MACROD2: variants seen among roughly 807,000 people sequenced by gnomAD.
MACROD2 encodes the protein mono-ADP ribosylhydrolase 2, also known as ADP-ribose glycohydrolase MACROD2.
In MACROD2, 36 loss-of-function variants were observed where a neutral mutation model predicts 70.4. The ratio of observed to expected loss-of-function variants is 0.51; its 90% CI spans 0.39 to 0.68. MACROD2 has a LOEUF of 0.68. Among genes scored for constraint, MACROD2 ranks in the 30% least tolerant of loss-of-function variants. MACROD2 has a pLI of 0.00. For missense variants in MACROD2, 496 were observed against 538.4 expected (o/e 0.92, Z 0.78); for synonymous variants, 172 against 178.8 (o/e 0.96, Z 0.30).
chr20:14,483,260 G>A (rs1242044112), intron 3 of MACROD2, among the ~76,000 whole-genome samples: 1 of 152,156 alleles, frequency 6.6e-6, no homozygotes, highest in African/African-American at 2.4e-5. Flanking sequence ...ATGAATGGAA[G>A]CAGAAAGCTT....
chr20:15,970,827 C>G (rs1176353391), intron 13 of MACROD2, among the ~76,000 whole-genome samples: 2 of 152,116 alleles, frequency 1.3e-5, no homozygotes, highest in Non-Finnish European at 2.9e-5. Flanking sequence ...TTCCCACCAG[C>G]AAGACTGGAA....
At chr20:15,271,322 A>T (rs1033311414) in intron 6 of MACROD2, among the ~76,000 whole-genome samples, 16 of 152,172 alleles carry the variant, frequency 1.1e-4, no homozygotes, top group African/African-American at 3.1e-4. Context: ...CGCTAATCCC[A>T]TTCATAGAGG....
chr20:15,464,650 A>G (rs1840310330), intron 7 of MACROD2, among the ~76,000 whole-genome samples: 1 of 152,196 alleles, frequency 6.6e-6, no homozygotes, highest in South Asian at 2.1e-4. Flanking sequence ...TGTATTGAAG[A>G]TAATTAAACA....
At chr20:14,438,998 G>T (rs1263846060) in intron 3 of MACROD2, among the ~76,000 whole-genome samples, 2 of 152,086 alleles carry the variant, frequency 1.3e-5, no homozygotes, top group Non-Finnish European at 1.5e-5. Flanking sequence ...TGCCAAGGAG[G>T]TTTTTCCGTA....
Position 14,251,191 on chromosome 20 carries a change from T to G in MACROD2, c.271+165463T>G, listed in dbSNP as rs532695836. ...TACACCAAAAAATAGACTTAGGGAC[T>G]AAACCTTGTCTTACTGCACTGTACA... On this transcript the variant is annotated intron_variant, in intron 3 of 17. Transcript: ENST00000684519. Among the ~76,000 whole-genome samples the G allele has an allele frequency of 3.5e-4, 53 of 152,240 alleles. No homozygotes were observed. The East Asian group carries it at 9.4e-3, about 27-fold the overall frequency.
At chr20:14,216,949 A>T (rs1342001140) in intron 3 of MACROD2, among the ~76,000 whole-genome samples, 1 of 152,150 alleles carries the variant, frequency 6.6e-6, no homozygotes, top group Non-Finnish European at 1.5e-5. Flanking sequence ...TCATATTGTC[A>T]TAAAAAATGA....
intron 3 of MACROD2, among the ~76,000 whole-genome samples, chr20:14,433,172 T>C (rs139016152): frequency 6.6e-6 from 1 of 152,110 alleles, no homozygotes; most frequent in Non-Finnish European, 1.5e-5. Context: ...TTGGAGGAAA[T>C]TGTCATTTTA....
intron 2 of MACROD2, among the ~76,000 whole-genome samples, chr20:14,067,400 C>G (rs570403238): frequency 3.3e-5 from 5 of 152,280 alleles, no homozygotes; most frequent in African/African-American, 1.2e-4. Context: ...GGATTACAGG[C>G]ATGAGCCACT....
At chr20:14,513,159 CT>C (rs1198983472) in intron 4 of MACROD2, among the ~76,000 whole-genome samples, 2 of 152,062 alleles carry the variant, frequency 1.3e-5, no homozygotes, top group African/African-American at 4.8e-5. Context: ...TGACTGTAAG[CT>C]TTTCATCATT....
At chr20:14,777,958 G>A (rs781318734) in intron 5 of MACROD2, among the ~76,000 whole-genome samples, 1 of 152,058 alleles carries the variant, frequency 6.6e-6, no homozygotes, top group Admixed American at 6.5e-5. Flanking sequence ...CAAACCAGCA[G>A]GAAGAAGTAA....
chr20:15,184,337 C>T (rs1003403225), intron 5 of MACROD2, among the ~76,000 whole-genome samples: 1 of 152,120 alleles, frequency 6.6e-6, no homozygotes, highest in Admixed American at 6.5e-5. Flanking sequence ...AAAGGAATGA[C>T]CTGCTCTGTC....
At chr20:14,210,563 A>G (rs1343913143) in intron 3 of MACROD2, among the ~76,000 whole-genome samples, 2 of 152,124 alleles carry the variant, frequency 1.3e-5, no homozygotes, top group Non-Finnish European at 2.9e-5. Flanking sequence ...AATTTTTTTT[A>G]CTAATTCAGG....
chr20:15,187,219 A>G (rs1194471238), intron 5 of MACROD2, among the ~76,000 whole-genome samples: 1 of 152,194 alleles, frequency 6.6e-6, no homozygotes, highest in Non-Finnish European at 1.5e-5. Context: ...GACTTTAGGC[A>G]AATGACATTT....
At chr20:15,194,911 CAAATTA>C (rs555690935) in intron 5 of MACROD2, among the ~76,000 whole-genome samples, 136 of 149,974 alleles carry the variant, frequency 9.1e-4, no homozygotes, top group Admixed American at 1.5e-3. Context: ...AGAGTATAGG[CAAATTA>C]TTTTGTAAGA....
chr20:15,160,923 A>G (rs565978405), intron 5 of MACROD2, among the ~76,000 whole-genome samples: 1 of 152,144 alleles, frequency 6.6e-6, no homozygotes, highest in African/African-American at 2.4e-5. Flanking sequence ...TATTTTTTTT[A>G]CTAGAGAGAT....
chr20:14,128,311 C>T (rs2054676805), intron 3 of MACROD2: 1 of 183,790 alleles, frequency 5.4e-6, no homozygotes, highest in Admixed American at 5.6e-5. Context: ...AGGGTTCAAA[C>T]TATGAACAAC....
intron 2 of MACROD2, among the ~76,000 whole-genome samples, chr20:14,003,886 G>A (rs1754012120): frequency 6.6e-6 from 1 of 152,156 alleles, no homozygotes; most frequent in Non-Finnish European, 1.5e-5. Context: ...CTGGTCCTCT[G>A]TCTTACCTAA....
intron 8 of MACROD2, among the ~76,000 whole-genome samples, chr20:15,664,545 G>T (rs2049870741): frequency 6.6e-6 from 1 of 152,140 alleles, no homozygotes; most frequent in African/African-American, 2.4e-5. Context: ...TCTGGGGCTG[G>T]CTGGGGTTGG....
At position 14,937,978 on chromosome 20, in the gene MACROD2, C is replaced by T. The variant is rs575145071; in HGVS notation, c.418+253019C>T. Among the ~76,000 whole-genome samples the T allele has an allele frequency of 5.4e-4, 80 of 149,332 alleles. 4 individuals carry two copies. The South Asian group carries it at 0.017, about 31-fold the overall frequency. The stretch of plus-strand genomic sequence containing the variant: ...TCACTTAACACAATAACCACCAGTT[C>T]CATCCATGTTGCTGCAGATAACAAG... On this transcript the variant is annotated intron_variant, in intron 5 of 17. Coordinates refer to ENST00000684519, the MANE Select transcript of MACROD2 (RefSeq NM_001351661.2).
Sources: gnomAD v4.1 joint callset for allele counts (sites outside exome capture counted in the v4.1 genomes callset) on GRCh38, gnomAD v4.1.1 for gene constraint, MANE v1.5 for transcripts, NCBI Gene and HGNC (gene_info 2026-07-23, HGNC 2026-07-21) for gene names.